Variants in GABRB3 observed in about 807,000 individuals in gnomAD.
GABRB3 encodes the protein gamma-aminobutyric acid receptor subunit beta-3.
GABRB3 carries 14 observed loss-of-function variants against 52.1 expected under a neutral mutation model. That is an observed-to-expected ratio of 0.27 (90% confidence interval 0.18 to 0.42). The LOEUF is 0.42. Among genes scored for constraint, GABRB3 ranks in the 10% least tolerant of loss-of-function variants. The pLI is 1.00. For missense variants in GABRB3, 307 were observed against 609.1 expected (o/e 0.50, Z 5.22); for synonymous variants, 260 against 232.3 (o/e 1.12, Z -1.08).
chr15:26,744,250 T>C (rs1393308093), intron 3 of GABRB3, among the ~76,000 whole-genome samples: 1 of 152,166 alleles, frequency 6.6e-6, no homozygotes. Flanking sequence ...AGCATGAAAA[T>C]TCTCAGATAT....
At chr15:26,624,611 G>A (rs1892616002) in intron 3 of GABRB3, 1 of 985,378 alleles carries the variant, frequency 1.0e-6, no homozygotes, top group South Asian at 4.7e-5. Flanking sequence ...GAGGTGACTT[G>A]AGTAGACTAG....
rs143243683 is a variant in GABRB3, at chr15:26,651,185, G to A, written c.241-29651C>T. 3.1e-3 allele frequency among the ~76,000 whole-genome samples: 469 copies of A among 152,286 alleles called. 14 individuals carry two copies. In the East Asian group the frequency reaches 0.045, roughly 15 times the overall value. On this transcript the variant is annotated intron_variant, in intron 3 of 8. Transcript: ENST00000311550. ...CAGACAGTGGAGCTAGGACAGCACC[G>A]GAACACGCCACCTAGGCACCACTGC... is the stretch of plus-strand genomic sequence containing the variant.
chr15:26,569,437 A>G (rs1890310868), intron 6 of GABRB3: 1 of 152,230 alleles, frequency 6.6e-6, no homozygotes, highest in Non-Finnish European at 1.5e-5. Context: ...AATAATTTTT[A>G]GAGTGGCTAC....
At chr15:26,597,246 T>TGG (rs1426081260) in intron 4 of GABRB3, among the ~76,000 whole-genome samples, 1 of 152,136 alleles carries the variant, frequency 6.6e-6, no homozygotes, top group Non-Finnish European at 1.5e-5. Context: ...ACCTCTACAT[T>TGG]GGATAGTTTA....
intron 3 of GABRB3, among the ~76,000 whole-genome samples, chr15:26,677,928 C>T (rs777380723): frequency 1.1e-4 from 17 of 152,234 alleles, no homozygotes; most frequent in Admixed American, 2.6e-4. Flanking sequence ...GCCTCCACTA[C>T]ATCTGTGAAA....
At chr15:26,760,851 C>T (rs149797116) in intron 3 of GABRB3, among the ~76,000 whole-genome samples, 5 of 127,444 alleles carry the variant, frequency 3.9e-5, no homozygotes, top group Non-Finnish European at 8.5e-5. Context: ...AAACCCACCA[C>T]AATTAATTAA....
chr15:26,652,763 A>AC (rs2140593438), intron 3 of GABRB3, among the ~76,000 whole-genome samples: 1 of 152,246 alleles, frequency 6.6e-6, no homozygotes, highest in African/African-American at 2.4e-5. Context: ...AGGAGGGTAA[A>AC]TCTATATTTT....
At chr15:26,569,355 TTG>T (rs1220039976) in intron 6 of GABRB3, 2 of 152,236 alleles carry the variant, frequency 1.3e-5, no homozygotes, top group African/African-American at 2.4e-5. Context: ...CCTCCAGTCT[TTG>T]TGTGTGTCTG....
intron 6 of GABRB3, among the ~76,000 whole-genome samples, chr15:26,572,040 G>A (rs1447300812): frequency 7.6e-5 from 10 of 131,096 alleles, no homozygotes; most frequent in Non-Finnish European, 1.1e-4. Context: ...GCGAGACTCC[G>A]TCTCAAGAAA....
chr15:26,640,737 G>A (rs1435639469), intron 3 of GABRB3, among the ~76,000 whole-genome samples: 1 of 152,150 alleles, frequency 6.6e-6, no homozygotes, highest in Non-Finnish European at 1.5e-5. Flanking sequence ...TCCTTTGCAG[G>A]CACTGCACAG....
At chr15:26,569,402 C>G (rs1427165216) in intron 6 of GABRB3, 1 of 152,206 alleles carries the variant, frequency 6.6e-6, no homozygotes, top group Non-Finnish European at 1.5e-5. Context: ...TGATCAAATG[C>G]ATATATCACA....
chr15:26,711,740 T>C (rs1889303349), intron 3 of GABRB3, among the ~76,000 whole-genome samples: 1 of 152,212 alleles, frequency 6.6e-6, no homozygotes, highest in African/African-American at 2.4e-5. Flanking sequence ...CTTTCCTTTC[T>C]TACAGCAGCA....
chr15:26,772,612 C>CTT (rs1891182021), intron 2 of GABRB3, 69 bp downstream of exon 2: 1 of 1,455,424 alleles, frequency 6.9e-7, no homozygotes, highest in Admixed American at 2.2e-5. Flanking sequence ...GCGGCCCCCG[C>CTT]CTCCCTCCGC....
At chr15:26,697,705 T>C (rs1366382220) in intron 3 of GABRB3, among the ~76,000 whole-genome samples, 1 of 152,182 alleles carries the variant, frequency 6.6e-6, no homozygotes, top group Non-Finnish European at 1.5e-5. Context: ...AAAAAGGGAC[T>C]GCAATATCTC....
At chr15:26,636,609 T>G (rs1893068810) in intron 3 of GABRB3, among the ~76,000 whole-genome samples, 1 of 152,228 alleles carries the variant, frequency 6.6e-6, no homozygotes, top group African/African-American at 2.4e-5. Context: ...ATTCCATCTA[T>G]ATGCTTAGAA....
At chr15:26,641,258 G>A (rs933995179) in intron 3 of GABRB3, among the ~76,000 whole-genome samples, 45 of 152,222 alleles carry the variant, frequency 3.0e-4, no homozygotes, top group African/African-American at 8.7e-4. Context: ...GACATGAGGC[G>A]GAGAAATAAC....
intron 3 of GABRB3, among the ~76,000 whole-genome samples, chr15:26,661,325 G>C (rs1887535137): frequency 6.6e-6 from 1 of 151,948 alleles, no homozygotes; most frequent in African/African-American, 2.4e-5. Flanking sequence ...CACACACAAA[G>C]CACATGTACA....
chr15:26,729,111 C>T (rs761499660), intron 3 of GABRB3, among the ~76,000 whole-genome samples: 5 of 152,024 alleles, frequency 3.3e-5, no homozygotes, highest in Admixed American at 2.0e-4. Context: ...CTTTCCCCCA[C>T]GCCTCTGCAA....
intron 3 of GABRB3, among the ~76,000 whole-genome samples, chr15:26,680,496 G>T (rs114415489): frequency 6.6e-6 from 1 of 152,172 alleles, no homozygotes; most frequent in African/African-American, 2.4e-5. Flanking sequence ...TCTTCTTGGT[G>T]TAACAGTCAA....
Sources: gnomAD v4.1 joint callset for allele counts (sites outside exome capture counted in the v4.1 genomes callset) on GRCh38, gnomAD v4.1.1 for gene constraint, MANE v1.5 for transcripts, NCBI Gene and HGNC (gene_info 2026-07-23, HGNC 2026-07-21) for gene names.